MSRA: variants seen among roughly 807,000 people sequenced by gnomAD.
MSRA encodes mitochondrial peptide methionine sulfoxide reductase.
In MSRA, 54 loss-of-function variants were observed where a neutral mutation model predicts 31.3. That is an observed-to-expected ratio of 1.73 (90% CI 1.39 to 2.17). The LOEUF (loss-of-function observed/expected upper bound fraction) is 2.17. Ranked by LOEUF, MSRA falls within the 30% of genes most tolerant of loss-of-function variation. The pLI is 0.00. For missense variants in MSRA, 507 were observed against 300.9 expected, an observed-to-expected ratio of 1.69 and a Z score of -5.07; for synonymous variants, 169 against 116.5, an observed-to-expected ratio of 1.45 and a Z score of -2.90.
At chr8:10,124,352 G>A (rs1356226019) in intron 1 of MSRA, among the ~76,000 whole-genome samples, 1 of 152,216 alleles carries the variant, frequency 6.6e-6, no homozygotes, top group African/African-American at 2.4e-5. Context: ...TCCCTAAGGA[G>A]AGGGGAATGG....
intron 5 of MSRA, among the ~76,000 whole-genome samples, chr8:10,398,223 A>T (rs1048687027): frequency 1.3e-5 from 2 of 152,192 alleles, no homozygotes; most frequent in African/African-American, 2.4e-5. Context: ...CTCTTAGAAA[A>T]TTCCTGTTTG....
At chr8:10,114,385 A>G (rs985475390) in intron 1 of MSRA, among the ~76,000 whole-genome samples, 1 of 152,216 alleles carries the variant, frequency 6.6e-6, no homozygotes, top group Non-Finnish European at 1.5e-5. Context: ...TTGGCAACCT[A>G]TGTTTAACTT....
chr8:10,236,760 G>A (rs1265151547), intron 2 of MSRA, among the ~76,000 whole-genome samples: 1 of 152,138 alleles, frequency 6.6e-6, no homozygotes, highest in East Asian at 1.9e-4. Flanking sequence ...TGGCCAGGCT[G>A]GTCTTGAACT....
intron 1 of MSRA, among the ~76,000 whole-genome samples, chr8:10,200,333 T>C (rs1379954713): frequency 6.6e-6 from 1 of 152,222 alleles, no homozygotes; most frequent in African/African-American, 2.4e-5. Flanking sequence ...ACATACCTTT[T>C]GTTTTGGGGG....
rs183150630 is a variant in MSRA at position 10,363,807 on chromosome 8, C to A, written c.543+43818C>A. ...GCTGGTTGTTGTGGTGCGCACCCACCTGTAGTCCCAGCTACTCAGGAGGCT... is the reference window on the plus strand; with the variant it reads ...GCTGGTTGTTGTGGTGCGCACCCACATGTAGTCCCAGCTACTCAGGAGGCT... On this transcript the variant is annotated intron_variant, in intron 5 of 5. Transcript: ENST00000317173. 5.2e-4 allele frequency among the ~76,000 whole-genome samples: 69 copies of A among 132,402 alleles called. 1 individual carries two copies. Among genetic ancestry groups the A allele is most frequent in the African/African-American group, 1.7e-3 (65 of 37,580 alleles). 86.9% of individuals were successfully genotyped at this position (132,402 alleles called of 152,430 possible).
intron 3 of MSRA, among the ~76,000 whole-genome samples, chr8:10,300,861 C>G (rs777783894): frequency 6.6e-6 from 1 of 152,118 alleles, no homozygotes; most frequent in Non-Finnish European, 1.5e-5. Flanking sequence ...CCTGATCCAC[C>G]AAACCTCCAG....
At chr8:10,256,744 G>A (rs181381539) in intron 3 of MSRA, among the ~76,000 whole-genome samples, 123 of 152,164 alleles carry the variant, frequency 8.1e-4, no homozygotes, top group African/African-American at 2.8e-3. Flanking sequence ...CCTTTCTGTG[G>A]GGCAGAGATA....
chr8:10,240,168 T>C (rs1027067263), intron 2 of MSRA, among the ~76,000 whole-genome samples: 2 of 152,182 alleles, frequency 1.3e-5, no homozygotes, highest in Non-Finnish European at 2.9e-5. Flanking sequence ...AACACATCAC[T>C]GGCCCTTTCA....
intron 5 of MSRA, among the ~76,000 whole-genome samples, chr8:10,326,191 G>T (rs1296385080): frequency 6.6e-6 from 1 of 152,146 alleles, no homozygotes; most frequent in Non-Finnish European, 1.5e-5. Context: ...TGACCCCCTA[G>T]TACCCAGCTT....
chr8:10,350,999 C>T (rs1034033628), intron 5 of MSRA, among the ~76,000 whole-genome samples: 3 of 152,202 alleles, frequency 2.0e-5, no homozygotes, highest in African/African-American at 4.8e-5. Context: ...TCTTACTCCC[C>T]ATGAATTCTC....
chr8:10,272,445 C>G (rs1031650260), intron 3 of MSRA, among the ~76,000 whole-genome samples: 2 of 152,244 alleles, frequency 1.3e-5, no homozygotes, highest in African/African-American at 4.8e-5. Context: ...CTCAATCCTT[C>G]AAGCCGGAGG....
chr8:10,138,582 G>A (rs1290521260), intron 1 of MSRA, among the ~76,000 whole-genome samples: 1 of 152,154 alleles, frequency 6.6e-6, no homozygotes, highest in Non-Finnish European at 1.5e-5. Context: ...TGTAGTGGGT[G>A]ATCTGAATTG....
At chr8:10,056,220 A>AC (rs1223691413) in intron 1 of MSRA, among the ~76,000 whole-genome samples, 1 of 151,286 alleles carries the variant, frequency 6.6e-6, no homozygotes, top group Non-Finnish European at 1.5e-5. Flanking sequence ...AAAAAAAAAA[A>AC]ACCCCAAATA....
intron 5 of MSRA, among the ~76,000 whole-genome samples, chr8:10,394,879 TG>T (rs1363677603): frequency 2.0e-5 from 3 of 152,262 alleles, no homozygotes; most frequent in Admixed American, 1.3e-4. Flanking sequence ...CCATGCTTAT[TG>T]ATTGTAAATC....
chr8:10,181,352 G>C (rs1806519660), intron 1 of MSRA, among the ~76,000 whole-genome samples: 2 of 151,904 alleles, frequency 1.3e-5, no homozygotes, highest in East Asian at 3.9e-4. Flanking sequence ...AACACCCTGT[G>C]GGGGTAAGAA....
At chr8:10,247,320 C>A (rs566145615) in intron 3 of MSRA, among the ~76,000 whole-genome samples, 1 of 152,286 alleles carries the variant, frequency 6.6e-6, no homozygotes, top group South Asian at 2.1e-4. Flanking sequence ...CCCTCATTAG[C>A]TCTCAGCTCA....
At chr8:10,263,300 A>G (rs1432111293) in intron 3 of MSRA, among the ~76,000 whole-genome samples, 4 of 152,160 alleles carry the variant, frequency 2.6e-5, no homozygotes, top group Admixed American at 2.6e-4. Context: ...TCACAGGGCC[A>G]TCTTTGATTT....
chr8:10,300,554 C>G (rs889921710), intron 3 of MSRA, among the ~76,000 whole-genome samples: 5 of 152,072 alleles, frequency 3.3e-5, no homozygotes, highest in Non-Finnish European at 7.4e-5. Flanking sequence ...CCACACCCAG[C>G]TAATTTTTTT....
chr8:10,076,506 G>T (rs1446963848), intron 1 of MSRA, among the ~76,000 whole-genome samples: 1 of 152,176 alleles, frequency 6.6e-6, no homozygotes, highest in Non-Finnish European at 1.5e-5. Flanking sequence ...CTTGGGAAAA[G>T]ATTCTCTCAA....
Sources: allele counts gnomAD v4.1 joint callset (sites outside exome capture counted in the v4.1 genomes callset), GRCh38; gene constraint gnomAD v4.1.1; transcripts MANE v1.5; gene names NCBI Gene and HGNC (gene_info 2026-07-23, HGNC 2026-07-21).